Variants in PCMT1 observed in about 807,000 individuals in gnomAD.
The protein encoded by PCMT1 is protein-L-isoaspartate (D-aspartate) O-methyltransferase.
In PCMT1, 9 loss-of-function variants were observed where a neutral mutation model predicts 29.2. The ratio of observed to expected loss-of-function variants is 0.31; its 90% confidence interval spans 0.19 to 0.54. The LOEUF (loss-of-function observed/expected upper bound fraction) is 0.54, where lower values mean the gene tolerates loss of function less well. Ranked by LOEUF, PCMT1 falls within the 20% of genes least tolerant of loss-of-function variation. The pLI is 0.95. For missense variants in PCMT1, 184 were observed against 282.2 expected, an observed-to-expected ratio of 0.65 and a Z score of 2.49; for synonymous variants, 98 against 97.5, an observed-to-expected ratio of 1.00 and a Z score of -0.03.
intron 1 of PCMT1, among the ~76,000 whole-genome samples, chr6:149,754,877 TTAA>T (rs1786452525): frequency 6.6e-6 from 1 of 152,236 alleles, no homozygotes; most frequent in South Asian, 2.1e-4. Context: ...CTTATTTTAC[TTAA>T]TAATGGACCC....
At position 149,776,357 on chromosome 6, in the gene PCMT1, C is replaced by T. The variant is rs115377540; in HGVS notation, c.192+3188C>T. 4.7e-3 allele frequency among the ~76,000 whole-genome samples: 716 copies of T among 151,884 alleles called. 10 individuals are homozygous for T. Among genetic ancestry groups the T allele is most frequent in the African/African-American group, 0.016 (679 of 41,238 alleles). ...CCGCCCCGTGGATTCAAGCAATTCG[C>T]GTGCCTTACTCAGCCTTCCTCGTAG... On this transcript the variant is annotated intron_variant, in intron 3 of 7. Coordinates refer to ENST00000464889, the MANE Select transcript of PCMT1 (RefSeq NM_001360452.2).
intron 3 of PCMT1, among the ~76,000 whole-genome samples, chr6:149,787,522 C>T (rs756343301): frequency 7.9e-5 from 12 of 151,778 alleles, no homozygotes; most frequent in Non-Finnish European, 1.6e-4. Context: ...CCACCACGCC[C>T]GGCTAATTTT....
At chr6:149,751,805 G>A (rs980260630) in intron 1 of PCMT1, among the ~76,000 whole-genome samples, 6 of 151,714 alleles carry the variant, frequency 4.0e-5, no homozygotes, top group Admixed American at 6.6e-5. Context: ...AGTCATTTTG[G>A]ATTTTTTTTT....
chr6:149,788,072 C>A (rs897463363), intron 3 of PCMT1, among the ~76,000 whole-genome samples: 2 of 152,094 alleles, frequency 1.3e-5, no homozygotes, highest in African/African-American at 4.8e-5. Flanking sequence ...CGCCCACCAC[C>A]ACGCCCAGCT....
chr6:149,801,053 G>A (rs1443904798), intron 6 of PCMT1, among the ~76,000 whole-genome samples: 1 of 152,204 alleles, frequency 6.6e-6, no homozygotes, highest in Non-Finnish European at 1.5e-5. Context: ...TGATAGTTGA[G>A]TAATAATATA....
At chr6:149,801,088 G>A (rs557933756) in intron 6 of PCMT1, among the ~76,000 whole-genome samples, 7 of 152,274 alleles carry the variant, frequency 4.6e-5, no homozygotes, top group African/African-American at 1.7e-4. Context: ...TACAGGGTGA[G>A]TATCCCTTCT....
chr6:149,776,651 G>A (rs1487580514), intron 3 of PCMT1, among the ~76,000 whole-genome samples: 1 of 152,090 alleles, frequency 6.6e-6, no homozygotes, highest in Non-Finnish European at 1.5e-5. Flanking sequence ...GGGCTCTAGT[G>A]ATCCTCTTGC....
intron 1 of PCMT1, among the ~76,000 whole-genome samples, chr6:149,769,999 G>A (rs767426837): frequency 1.4e-4 from 21 of 152,030 alleles, no homozygotes; most frequent in Non-Finnish European, 2.1e-4. Flanking sequence ...CAACAGTATG[G>A]TCTGGTCTTC....
chr6:149,788,485 G>A (rs1172475244), intron 3 of PCMT1, among the ~76,000 whole-genome samples: 2 of 152,044 alleles, frequency 1.3e-5, no homozygotes, highest in Non-Finnish European at 2.9e-5. Context: ...AAATTTTTAC[G>A]AATATGGGCC....
chr6:149,794,142 C>T (rs1028341508), intron 5 of PCMT1, among the ~76,000 whole-genome samples: 11 of 152,146 alleles, frequency 7.2e-5, no homozygotes, highest in Non-Finnish European at 1.2e-4. Context: ...TAAGGATACT[C>T]TGAGACCATG....
rs770859133 is a variant in PCMT1 at position 149,749,975 on chromosome 6, C to T, written c.55+19C>T. ...CTCCGCAGTAAGTGCCACCTCCGCC[C>T]GTTGTAGGGCAGCTGGGGCAGGCTG... On this transcript the variant is annotated intron_variant, in intron 1 of 7. Coordinates refer to ENST00000464889, the MANE Select transcript of PCMT1 (RefSeq NM_001360452.2). 7 of 1,602,282 alleles carry T rather than the reference C, an allele frequency of 4.4e-6. No individual in the cohort carries two copies. Among genetic ancestry groups the T allele is most frequent in the Non-Finnish European group, 6.0e-6 (7 of 1,174,418 alleles).
intron 2 of PCMT1, 64 bp downstream of exon 2, chr6:149,771,330 G>A: frequency 1.0e-6 from 1 of 1,004,098 alleles, no homozygotes; most frequent in Non-Finnish European, 1.5e-6. Context: ...TTTGGAAGTA[G>A]AAAAAGCCTG....
chr6:149,751,917 G>A (rs1449575083), intron 1 of PCMT1, among the ~76,000 whole-genome samples: 2 of 151,812 alleles, frequency 1.3e-5, no homozygotes, highest in Non-Finnish European at 2.9e-5. Flanking sequence ...CTGTCACCCA[G>A]GTTGGAGTGC....
At chr6:149,795,712 A>G (rs1280463360) in intron 5 of PCMT1, 1 of 298,332 alleles carries the variant, frequency 3.4e-6, no homozygotes, top group East Asian at 8.4e-5. Context: ...GCATGGGACT[A>G]TCTATGTATG....
chr6:149,793,683 A>G lies in PCMT1; in HGVS notation c.418+14A>G. On this transcript the variant is annotated intron_variant, in intron 5 of 7. Coordinates refer to ENST00000464889, the MANE Select transcript of PCMT1 (RefSeq NM_001360452.2). ...TACAGCTTGTTGGTAAGTATCAGAA[A>G]ACTTTAAAAATTTCTTCAGAGGATT... 1 of 1,526,614 alleles carries G rather than the reference A, an allele frequency of 6.6e-7. No homozygotes were observed. Among genetic ancestry groups the G allele is most frequent in the South Asian group, 1.3e-5 (1 of 74,316 alleles). The allele number at this position is 1,526,614 out of a possible 1,614,324, so 94.6% of individuals were successfully genotyped here. A position where few individuals can be genotyped will look rare whatever the true frequency, so the allele number is the denominator to read the frequency against.
chr6:149,799,400 T>C (rs542523843), intron 6 of PCMT1, among the ~76,000 whole-genome samples: 5 of 152,194 alleles, frequency 3.3e-5, no homozygotes, highest in Non-Finnish European at 5.9e-5. Flanking sequence ...CAAACAGCAT[T>C]AGAATTCGTA....
chr6:149,764,449 T>TA (rs954596189), intron 1 of PCMT1, among the ~76,000 whole-genome samples: 26 of 151,494 alleles, frequency 1.7e-4, no homozygotes, highest in East Asian at 3.9e-4. Flanking sequence ...TTTAAAACTT[T>TA]AAAAAAAAAT....
chr6:149,790,653 G>T (rs1788328394), intron 4 of PCMT1, among the ~76,000 whole-genome samples: 6 of 151,992 alleles, frequency 3.9e-5, no homozygotes, highest in Admixed American at 3.9e-4. Flanking sequence ...GTGGCTGGGG[G>T]AGACAGAGCA....
At chr6:149,809,721 C>G (rs1037670600) in intron 7 of PCMT1, among the ~76,000 whole-genome samples, 1 of 152,192 alleles carries the variant, frequency 6.6e-6, no homozygotes, top group African/African-American at 2.4e-5. Context: ...TAGGATAGTA[C>G]AAATAACTCC....
Sources: allele counts gnomAD v4.1 joint callset (sites outside exome capture counted in the v4.1 genomes callset), GRCh38; gene constraint gnomAD v4.1.1; transcripts MANE v1.5; gene names NCBI Gene and HGNC (gene_info 2026-07-23, HGNC 2026-07-21).